The following CWC27 variants were observed in gnomAD, a reference collection of about 807,000 sequenced individuals.
CWC27 encodes CWC27 spliceosome associated cyclophilin.
CWC27 carries 47 observed loss-of-function variants against 63.6 expected under a neutral mutation model. The ratio of observed to expected loss-of-function variants is 0.74; its 90% CI spans 0.58 to 0.94. The LOEUF (loss-of-function observed/expected upper bound fraction) is 0.94, where lower values mean the gene tolerates loss of function less well. Among genes scored for constraint, CWC27 ranks in the 40% least tolerant of loss-of-function variants. CWC27 has a pLI of 0.00. For missense variants in CWC27, 495 were observed against 554.3 expected, an observed-to-expected ratio of 0.89 and a Z score of 1.07; for synonymous variants, 175 against 179.8, an observed-to-expected ratio of 0.97 and a Z score of 0.22.
chr5:64,840,778 C>T (rs1330161232), intron 10 of CWC27, among the ~76,000 whole-genome samples: 4 of 151,844 alleles, frequency 2.6e-5, no homozygotes, highest in African/African-American at 4.8e-5. Context: ...ATTAGAAGGC[C>T]CTGAGGCTTG....
chr5:64,894,298 G>A (rs1200958638), intron 11 of CWC27, among the ~76,000 whole-genome samples: 1 of 152,090 alleles, frequency 6.6e-6, no homozygotes. Flanking sequence ...ACAGAGCAAA[G>A]TAATAGAACT....
At chr5:64,900,176 A>G (rs1580713410) in intron 11 of CWC27, among the ~76,000 whole-genome samples, 1 of 152,250 alleles carries the variant, frequency 6.6e-6, no homozygotes, top group African/African-American at 2.4e-5. Flanking sequence ...GCCATTGTAC[A>G]TCCTACAAGT....
At chr5:64,802,595 G>C (rs1031215408) in intron 9 of CWC27, among the ~76,000 whole-genome samples, 7 of 152,184 alleles carry the variant, frequency 4.6e-5, no homozygotes, top group African/African-American at 1.7e-4. Flanking sequence ...ACAGCTGTGA[G>C]ATGGGAAAGA....
intron 10 of CWC27, among the ~76,000 whole-genome samples, chr5:64,859,852 T>G (rs1426233830): frequency 1.3e-5 from 2 of 152,194 alleles, no homozygotes; most frequent in Non-Finnish European, 2.9e-5. Context: ...TTTTTCATTC[T>G]TAGACCATTT....
chr5:64,906,519 T>G (rs1747644507), intron 11 of CWC27, among the ~76,000 whole-genome samples: 1 of 151,498 alleles, frequency 6.6e-6, no homozygotes, highest in South Asian at 2.2e-4. Flanking sequence ...ATGGAGTTGT[T>G]TGTTTTTCTC....
At chr5:64,774,057 G>A (rs879382338) in intron 1 of CWC27, among the ~76,000 whole-genome samples, 8 of 152,058 alleles carry the variant, frequency 5.3e-5, no homozygotes, top group South Asian at 4.2e-4. Flanking sequence ...AATTTAATGG[G>A]TTCATTATTC....
chr5:65,007,254 C>A (rs1168352247), intron 13 of CWC27, among the ~76,000 whole-genome samples: 3 of 152,136 alleles, frequency 2.0e-5, no homozygotes, highest in Admixed American at 6.5e-5. Context: ...ACCAGTATTC[C>A]TCAAAACTGT....
At chr5:64,806,955 C>T (rs1744699119) in intron 10 of CWC27, among the ~76,000 whole-genome samples, 1 of 152,142 alleles carries the variant, frequency 6.6e-6, no homozygotes, top group South Asian at 2.1e-4. Context: ...TCCAAATGTA[C>T]TGAAAAACTA....
At chr5:64,933,133 C>T (rs979744965) in intron 11 of CWC27, among the ~76,000 whole-genome samples, 4 of 152,084 alleles carry the variant, frequency 2.6e-5, no homozygotes, top group African/African-American at 9.7e-5. Flanking sequence ...GATTTTTCAA[C>T]TCTTACATTT....
chr5:64,808,237 A>T, intron 10 of CWC27: 1 of 1,001,416 alleles, frequency 1.0e-6, no homozygotes, highest in Non-Finnish European at 1.2e-6. Flanking sequence ...TTTGAGAAGC[A>T]GTCCTGTAGA....
At chr5:64,978,588 T>C (rs894073472) in intron 13 of CWC27, among the ~76,000 whole-genome samples, 1 of 140,064 alleles carries the variant, frequency 7.1e-6, no homozygotes, top group African/African-American at 2.7e-5. Context: ...TAGTTTAGTT[T>C]TGTTTTGGGT....
At chr5:64,800,822 T>A (rs1744461822) in intron 8 of CWC27, among the ~76,000 whole-genome samples, 1 of 152,190 alleles carries the variant, frequency 6.6e-6, no homozygotes, top group Admixed American at 6.5e-5. Flanking sequence ...AGGGAAAACG[T>A]CTTGGTGTTA....
intron 11 of CWC27, among the ~76,000 whole-genome samples, chr5:64,942,902 G>T (rs1424623485): frequency 6.6e-6 from 1 of 152,166 alleles, no homozygotes; most frequent in Non-Finnish European, 1.5e-5. Flanking sequence ...ATCTTCTGTT[G>T]TGTGGTGAAG....
At chr5:64,783,394 T>C (rs1488002791) in intron 3 of CWC27, among the ~76,000 whole-genome samples, 2 of 152,304 alleles carry the variant, frequency 1.3e-5, no homozygotes, top group East Asian at 3.9e-4. Flanking sequence ...AGTAGATTAT[T>C]TGAATTAAAA....
chr5:64,826,503 A>G (rs901999680), intron 10 of CWC27, among the ~76,000 whole-genome samples: 5 of 152,142 alleles, frequency 3.3e-5, no homozygotes, highest in African/African-American at 7.2e-5. Context: ...AATGCCCCCA[A>G]TATTTTTGAT....
intron 13 of CWC27, among the ~76,000 whole-genome samples, chr5:64,983,678 G>A (rs187935302): frequency 1.3e-5 from 2 of 152,328 alleles, no homozygotes; most frequent in African/African-American, 4.8e-5. Context: ...CCTAGGCCTG[G>A]TACAACAGAG....
rs144349537 is a variant in CWC27 at position 64,846,611 on chromosome 5, C to G, written c.939-38832C>G. On this transcript the variant is annotated intron_variant, in intron 10 of 13. Coordinates refer to ENST00000381070, the MANE Select transcript of CWC27 (RefSeq NM_005869.4). Reference sequence around the variant, plus strand: ...AAAATAGAAAGGATTCAAAGCATACCACTATAGAAAACCATCAAATCACAA... The same window carrying G: ...AAAATAGAAAGGATTCAAAGCATACGACTATAGAAAACCATCAAATCACAA... Among the ~76,000 whole-genome samples, 3 of 151,984 alleles carry G rather than the reference C, an allele frequency of 2.0e-5. No individual in the cohort carries two copies. In the East Asian group the frequency reaches 5.8e-4, roughly 29 times the overall value.
intron 1 of CWC27, among the ~76,000 whole-genome samples, chr5:64,770,996 C>G (rs1743233825): frequency 6.6e-6 from 1 of 152,190 alleles, no homozygotes; most frequent in Admixed American, 6.5e-5. Flanking sequence ...ACAGCATTGA[C>G]TCAGTTGTCA....
At chr5:64,914,201 A>G (rs1459062155) in intron 11 of CWC27, among the ~76,000 whole-genome samples, 1 of 152,172 alleles carries the variant, frequency 6.6e-6, no homozygotes, top group Non-Finnish European at 1.5e-5. Context: ...TGACAAAGCA[A>G]TAAAACTTCT....
Sources: gnomAD v4.1 joint callset for allele counts (sites outside exome capture counted in the v4.1 genomes callset) on GRCh38, gnomAD v4.1.1 for gene constraint, MANE v1.5 for transcripts, NCBI Gene and HGNC (gene_info 2026-07-23, HGNC 2026-07-21) for gene names.